The following ARMC5 variants were observed in gnomAD, a reference collection of about 807,000 sequenced individuals.
ARMC5 encodes armadillo repeat containing 5.
In ARMC5, 28 loss-of-function variants were observed where a neutral mutation model predicts 60.5. That is an observed-to-expected ratio of 0.46 (90% CI 0.34 to 0.63). ARMC5 has a LOEUF of 0.63. Among genes scored for constraint, ARMC5 ranks in the 30% least tolerant of loss-of-function variants. The pLI is 0.01. For synonymous variants in ARMC5, 680 were observed against 607.3 expected (o/e 1.12, Z -1.76); for missense variants, 1,189 against 1,304.9 (o/e 0.91, Z 1.37).
At position 31,459,775 on chromosome 16, in the gene ARMC5, C is replaced by T. The variant is rs2082284795; in HGVS notation, c.251C>T (p.Pro84Leu). The T allele has an allele frequency of 1.3e-6, 2 of 1,538,592 alleles. No homozygotes were observed. The highest frequency in any genetic ancestry group is 1.7e-6 in the Non-Finnish European group (2 of 1,149,636). The change falls in exon 1 of 6, where the codon CCG becomes CTG. Residue 84 changes from proline (P) to leucine (L), a missense_variant. By Grantham distance (98) the Pro-to-Leu change is moderately conservative. Transcript: ENST00000268314. ...LRRAAAAGSA[P>L]SQAGPGSAPS... ...CGAGCGGCTGCAGCGGGTTCCGCCC[C>T]GTCCCAGGCAGGCCCCGGCTCCGCC...
Position 31,466,318 on chromosome 16 carries a change from C to A in ARMC5, c.2237C>A (p.Pro746Gln). The change falls in exon 6 of 6, where the codon CCA becomes CAA. Residue 746 changes from proline to glutamine, a missense_variant. Coordinates refer to ENST00000268314, the MANE Select transcript of ARMC5 (RefSeq NM_001105247.2). The surrounding 1 kb of genome is among the most constrained non-coding windows in gnomAD (Gnocchi z 8.0). The part of the protein sequence containing the change: ...YEPLLGPAPV[P>Q]APDLHFLLDS... Reference sequence around the variant, plus strand: ...CCTCTGCTGGGCCCAGCCCCTGTCCCAGCTCCCGACCTGCACTTCCTGCTG... The same window carrying A: ...CCTCTGCTGGGCCCAGCCCCTGTCCAAGCTCCCGACCTGCACTTCCTGCTG... 2 of 1,613,840 alleles carry A rather than the reference C, an allele frequency of 1.2e-6. No individual in the cohort carries two copies. The highest frequency in any genetic ancestry group is 1.7e-6 in the Non-Finnish European group (2 of 1,179,892).
In ARMC5 at chr16:31,464,571, G is replaced by C; in HGVS notation, c.1548G>C (p.Glu516Asp). The change falls in exon 4 of 6, where the codon GAG becomes GAC. Residue 516 changes from glutamate to aspartate, a missense_variant. Physicochemically the swap from Glu to Asp is conservative, Grantham distance 45 (BLOSUM62 2). Around this residue, in one of 2 missense-constraint regions of ARMC5, gnomAD observed 862 missense variants for 1,071.2 expected, o/e 0.80. Coordinates refer to ENST00000268314, the MANE Select transcript of ARMC5 (RefSeq NM_001105247.2). This position sits in a 1 kb window ranked among gnomAD's most constrained non-coding sequence, Gnocchi z 7.6. ...TPGRSPAAAI[E>D]EPWGREGPAL... ...GCCGCAGCCCCGCCGCCGCCATCGAGGAGCCTTGGGGACGCGAAGGGCCAG... is the reference window on the plus strand; with the variant it reads ...GCCGCAGCCCCGCCGCCGCCATCGACGAGCCTTGGGGACGCGAAGGGCCAG... 2 of 1,583,744 alleles carry C rather than the reference G, an allele frequency of 1.3e-6. No individual in the cohort carries two copies. The highest frequency in any genetic ancestry group is 1.7e-6 in the Non-Finnish European group (2 of 1,168,156).
chr16:31,463,604 C>T (rs1165553097), intron 3 of ARMC5, among the ~76,000 whole-genome samples: 2 of 152,012 alleles, frequency 1.3e-5, no homozygotes, highest in East Asian at 1.9e-4. Flanking sequence ...TTGGGGATCT[C>T]GCTTTGTTGC....
At position 31,464,944 on chromosome 16, in the gene ARMC5, A is replaced by G. The variant is rs757875289; in HGVS notation, c.1864+57A>G. ...CCCATGTGAGTCCCCATCCTCCCCC[A>G]TGGCTTCCATGGGCCCAGAACCTCA... On this transcript the variant is annotated intron_variant, in intron 4 of 5. Coordinates refer to ENST00000268314, the MANE Select transcript of ARMC5 (RefSeq NM_001105247.2). This position sits in a 1 kb window ranked among gnomAD's most constrained non-coding sequence, Gnocchi z 7.6. The G allele has an allele frequency of 1.1e-5, 17 of 1,607,632 alleles. No individual in the cohort carries two copies. Among genetic ancestry groups the G allele is most frequent in the Non-Finnish European group, 1.4e-5 (16 of 1,178,006 alleles).
chr16:31,459,837 C>T lies in ARMC5; in HGVS notation c.313C>T (p.Pro105Ser). Residue 105 changes from proline (P) to serine (S), a missense_variant, in exon 1 of 6, where the codon CCC becomes TCC. By Grantham distance (74) the Pro-to-Ser change is moderately conservative. Transcript: ENST00000268314. Reference sequence around the variant, plus strand: ...CGCGTCGGGAGCTTCTAGCCCCGCCCCCGCGTCGGGCCCCGCCCCCTCCGC... The same window carrying T: ...CGCGTCGGGAGCTTCTAGCCCCGCCTCCGCGTCGGGCCCCGCCCCCTCCGC... Reference protein sequence around the residue: ...SAASGASSPAPASGPAPSAVS... With the variant: ...SAASGASSPASASGPAPSAVS... 3 of 1,570,702 alleles carry T rather than the reference C, an allele frequency of 1.9e-6. No individual in the cohort carries two copies. Among genetic ancestry groups the T allele is most frequent in the Non-Finnish European group, 2.6e-6 (3 of 1,164,730 alleles).
chr16:31,465,084 G>A, intron 4 of ARMC5, 197 bp downstream of exon 4: 1 of 1,614,062 alleles, frequency 6.2e-7, no homozygotes, highest in Non-Finnish European at 8.5e-7. Context: ...GTTCTGCTGT[G>A]TCCTCTGCCC....
chr16:31,458,941 G>C, upstream of ARMC5: 1 of 1,535,634 alleles, frequency 6.5e-7, no homozygotes, highest in Non-Finnish European at 8.7e-7. Flanking sequence ...AATTCCACAA[G>C]CCCGTCACTC....
Position 31,462,925 on chromosome 16 carries a change from C to G in ARMC5, c.1370+8C>G. On this transcript the variant is annotated splice_region_variant and intron_variant, in intron 3 of 5. Coordinates refer to ENST00000268314, the MANE Select transcript of ARMC5 (RefSeq NM_001105247.2). The surrounding 1 kb of genome is among the most constrained non-coding windows in gnomAD (Gnocchi z 7.2). ...AAGCTTCCGGAGCCTCAGGTGAGTC[C>G]CTGCCTCAGGGCTTGGGAGGGTGAG... is the stretch of plus-strand genomic sequence containing the variant. 1.3e-6 allele frequency: 2 copies of G among 1,563,824 alleles called. No individual in the cohort carries two copies. The highest frequency in any genetic ancestry group is 1.7e-6 in the Non-Finnish European group (2 of 1,155,230).
chr16:31,465,847 C>A lies in ARMC5; in HGVS notation c.1865-3C>A. ...CCCAGCCTGACAAGCTTTCCACTCACAGGGGAGAGGCTACTGCAGAACCTG... is the reference window on the plus strand; with the variant it reads ...CCCAGCCTGACAAGCTTTCCACTCAAAGGGGAGAGGCTACTGCAGAACCTG... On this transcript the variant is annotated splice_polypyrimidine_tract_variant and splice_region_variant and intron_variant, in intron 4 of 5. Transcript: ENST00000268314. 6.2e-7 allele frequency: 1 copy of A among 1,608,928 alleles called. No homozygotes were observed. Among genetic ancestry groups the A allele is most frequent in the Non-Finnish European group, 8.5e-7 (1 of 1,179,836 alleles).
chr16:31,459,110 G>C, upstream of ARMC5: 1 of 1,479,414 alleles, frequency 6.8e-7, no homozygotes, highest in Non-Finnish European at 8.9e-7. Context: ...CCGCTGGGGG[G>C]CAGCGAAGCG....
intron 1 of ARMC5, among the ~76,000 whole-genome samples, chr16:31,461,590 C>T (rs1391510292): frequency 6.6e-6 from 1 of 152,228 alleles, no homozygotes; most frequent in Non-Finnish European, 1.5e-5. Flanking sequence ...TTACTGCAAC[C>T]TCTGCCTCCT....
rs759311526 is a variant in ARMC5, at chr16:31,465,152, C to T, written c.1864+265C>T. 3.1e-6 allele frequency: 5 copies of T among 1,611,498 alleles called. No individual in the cohort carries two copies. In the East Asian group the frequency reaches 1.1e-4, roughly 36 times the overall value. On this transcript the variant is annotated intron_variant, in intron 4 of 5. Coordinates refer to ENST00000268314, the MANE Select transcript of ARMC5 (RefSeq NM_001105247.2). ...TGCAGCCCCGCGCCCAGGATCTGGG[C>T]TGGTCTGTGCTTCTTTCCTGGCTCT...
In ARMC5 at chr16:31,466,369, A is replaced by G; in HGVS notation, c.2288A>G (p.Gln763Arg). The G allele has an allele frequency of 1.9e-6, 3 of 1,613,084 alleles. No individual in the cohort carries two copies. Among genetic ancestry groups the G allele is most frequent in the Non-Finnish European group, 2.5e-6 (3 of 1,179,846 alleles). Reference sequence around the variant, plus strand: ...GACTCAGGCCTCCAGCTCCCTGCCCAGCGAGCGGCCTCAGCCACCGCCTCC... The same window carrying G: ...GACTCAGGCCTCCAGCTCCCTGCCCGGCGAGCGGCCTCAGCCACCGCCTCC... ...LLDSGLQLPA[Q>R]RAASATASPF... Residue 763 changes from glutamine (Q) to arginine (R), a missense_variant, in exon 6 of 6, where the codon CAG becomes CGG. Physicochemically the swap from Gln to Arg is conservative, Grantham distance 43 (BLOSUM62 1). Coordinates refer to ENST00000268314, the MANE Select transcript of ARMC5 (RefSeq NM_001105247.2). This position sits in a 1 kb window ranked among gnomAD's most constrained non-coding sequence, Gnocchi z 8.0.
chr16:31,463,120 A>C, intron 3 of ARMC5, among the ~76,000 whole-genome samples: 1 of 149,694 alleles, frequency 6.7e-6, no homozygotes, highest in African/African-American at 2.5e-5. Flanking sequence ...TTTTTTCGAG[A>C]CAGAGTCTCA....
At position 31,462,936 on chromosome 16, in the gene ARMC5, G is replaced by A; in HGVS notation, c.1370+19G>A. 2 of 1,540,738 alleles carry A rather than the reference G, an allele frequency of 1.3e-6. No homozygotes were observed. The highest frequency in any genetic ancestry group is 1.7e-6 in the Non-Finnish European group (2 of 1,143,948). ...GCCTCAGGTGAGTCCCTGCCTCAGG[G>A]CTTGGGAGGGTGAGCAGTGCAGTGA... On this transcript the variant is annotated intron_variant, in intron 3 of 5. Coordinates refer to ENST00000268314, the MANE Select transcript of ARMC5 (RefSeq NM_001105247.2). This position sits in a 1 kb window ranked among gnomAD's most constrained non-coding sequence, Gnocchi z 7.2.
chr16:31,463,044 T>C, intron 3 of ARMC5, 127 bp downstream of exon 3: 2 of 1,010,512 alleles, frequency 2.0e-6, no homozygotes, highest in Non-Finnish European at 2.8e-6. Flanking sequence ...CCCAGACTCC[T>C]GATTCCCACA....
In ARMC5 at chr16:31,464,886, G is replaced by A. The variant is rs2082339333; in HGVS notation, c.1863G>A (p.Leu621=). 8 of 1,604,666 alleles carry A rather than the reference G, an allele frequency of 5.0e-6. No homozygotes were observed. Among genetic ancestry groups the A allele is most frequent in the African/African-American group, 1.3e-5 (1 of 74,848 alleles). ...RPTLHSRHRE[L]GERLLQNLTV... ...CTCTCCACAGCCGGCACCGAGAGCTGGGTGAGTTCCCATACCCACCCGTCT... is the reference window on the plus strand; with the variant it reads ...CTCTCCACAGCCGGCACCGAGAGCTAGGTGAGTTCCCATACCCACCCGTCT... The change falls in exon 4 of 6, where the codon CTG becomes CTA. Residue 621 remains leucine (L), a splice_region_variant and synonymous_variant. Coordinates refer to ENST00000268314, the MANE Select transcript of ARMC5 (RefSeq NM_001105247.2). This position sits in a 1 kb window ranked among gnomAD's most constrained non-coding sequence, Gnocchi z 7.6.
chr16:31,465,680 G>A, intron 4 of ARMC5, 170 bp from the exon 5 acceptor site: 2 of 1,442,916 alleles, frequency 1.4e-6, no homozygotes, highest in East Asian at 2.5e-5. Context: ...TTCTGTCCTT[G>A]TCCTGGACCT....
upstream of ARMC5, chr16:31,458,809 G>A (rs2082269970): frequency 2.0e-6 from 3 of 1,530,464 alleles, no homozygotes; most frequent in African/African-American, 1.4e-5. Flanking sequence ...CGCCTCTTCT[G>A]GCGCGGCCGA....
Sources: gnomAD v4.1 joint callset for allele counts (sites outside exome capture counted in the v4.1 genomes callset) on GRCh38, gnomAD v4.1.1 for gene constraint, gnomAD v4.1.1 regional missense constraint, Gnocchi (gnomAD v3.1) non-coding constraint, MANE v1.5 for transcripts, NCBI Gene and HGNC (gene_info 2026-07-23, HGNC 2026-07-21) for gene names.